Variants in RALGAPB observed in about 807,000 individuals in gnomAD.
RALGAPB encodes Ral GTPase activating protein non-catalytic subunit beta, also known as ral GTPase-activating protein subunit beta.
Under a neutral mutation model 161.1 loss-of-function variants are expected in RALGAPB, and 25 were observed. That is an observed-to-expected ratio of 0.16 (90% CI 0.11 to 0.22). The LOEUF (loss-of-function observed/expected upper bound fraction) is 0.22, where lower values mean the gene tolerates loss of function less well. Ranked by LOEUF, RALGAPB falls within the 10% of genes least tolerant of loss-of-function variation. The probability of loss-of-function intolerance (pLI) is 1.00; values close to 1 mark genes in which losing one functional copy is unlikely to be tolerated. For synonymous variants in RALGAPB, 629 were observed against 626.1 expected (o/e 1.00, Z -0.07); for missense variants, 1,391 against 1,815.2 (o/e 0.77, Z 4.25).
At chr20:38,486,071 G>T (rs554859449) in intron 1 of RALGAPB, among the ~76,000 whole-genome samples, 1 of 144,890 alleles carries the variant, frequency 6.9e-6, no homozygotes, top group African/African-American at 2.6e-5. Flanking sequence ...CCGGTTTCAC[G>T]TGATTTTCCT....
intron 13 of RALGAPB, among the ~76,000 whole-genome samples, chr20:38,528,898 T>C (rs929503572): frequency 3.9e-5 from 6 of 152,252 alleles, no homozygotes; most frequent in African/African-American, 1.4e-4. Context: ...GCCAAGCTGG[T>C]CTTGAACTCC....
chr20:38,523,240 C>T (rs1003196031), intron 10 of RALGAPB, among the ~76,000 whole-genome samples: 4 of 152,138 alleles, frequency 2.6e-5, no homozygotes, highest in Non-Finnish European at 4.4e-5. Context: ...TAATTATAGA[C>T]TCCTGGGAAG....
At chr20:38,488,767 G>A (rs773875164) in intron 2 of RALGAPB, 149 bp downstream of exon 2, 2 of 755,190 alleles carry the variant, frequency 2.6e-6, no homozygotes, top group Non-Finnish European at 4.1e-6. Flanking sequence ...CCCCAACGTA[G>A]TATGACTTCT....
intron 22 of RALGAPB, among the ~76,000 whole-genome samples, chr20:38,555,540 G>A (rs2087555878): frequency 6.6e-6 from 1 of 152,304 alleles, no homozygotes; most frequent in East Asian, 1.9e-4. Context: ...CAAATCATTA[G>A]TGATATTCCT....
At chr20:38,478,011 TA>T (rs1241860692) in intron 1 of RALGAPB, among the ~76,000 whole-genome samples, 1 of 152,242 alleles carries the variant, frequency 6.6e-6, no homozygotes, top group East Asian at 1.9e-4. Flanking sequence ...TGTGGTCTGT[TA>T]CTTGGGAGGC....
chr20:38,529,385 G>A (rs756145356), intron 13 of RALGAPB, among the ~76,000 whole-genome samples: 1 of 151,914 alleles, frequency 6.6e-6, no homozygotes, highest in Non-Finnish European at 1.5e-5. Context: ...GGGTGTGATG[G>A]CACATGCCTG....
intron 18 of RALGAPB, among the ~76,000 whole-genome samples, chr20:38,541,510 C>G (rs1414774184): frequency 6.6e-6 from 1 of 152,122 alleles, no homozygotes. Flanking sequence ...GAGATGGTGT[C>G]TGTCTCTCTG....
chr20:38,550,572 A>G (rs920612658), intron 20 of RALGAPB, among the ~76,000 whole-genome samples: 6 of 152,222 alleles, frequency 3.9e-5, no homozygotes, highest in African/African-American at 1.4e-4. Flanking sequence ...TTCACCATGT[A>G]CCCATATACA....
At chr20:38,473,243 C>G (rs1322528897) in intron 1 of RALGAPB, among the ~76,000 whole-genome samples, 174 bp downstream of exon 1, 2 of 152,148 alleles carry the variant, frequency 1.3e-5, no homozygotes, top group Non-Finnish European at 2.9e-5. Flanking sequence ...GCGGGGAAAG[C>G]TTGGCCCTGG....
intron 21 of RALGAPB, among the ~76,000 whole-genome samples, chr20:38,551,751 A>T (rs1406506650): frequency 6.6e-6 from 1 of 152,158 alleles, no homozygotes; most frequent in African/African-American, 2.4e-5. Flanking sequence ...GATGGGAAAA[A>T]TTTATTTGGC....
intron 23 of RALGAPB, 70 bp downstream of exon 23, chr20:38,558,523 G>A: frequency 7.6e-7 from 1 of 1,310,742 alleles, no homozygotes; most frequent in Non-Finnish European, 1.0e-6. Context: ...GAAAAAAATT[G>A]AGGCAAAATT....
chr20:38,547,376 C>G (rs1329687359), intron 19 of RALGAPB: 1 of 152,144 alleles, frequency 6.6e-6, no homozygotes. Context: ...ACCTGGTATA[C>G]AATTCCCTTA....
At chr20:38,531,479 C>G (rs2086648708) in intron 14 of RALGAPB, among the ~76,000 whole-genome samples, 1 of 152,114 alleles carries the variant, frequency 6.6e-6, no homozygotes, top group Admixed American at 6.5e-5. Flanking sequence ...AGTCTTTATT[C>G]CTGAACAGTG....
chr20:38,575,831 G>T lies in RALGAPB; in HGVS notation c.*864G>T, dbSNP rs1022129315. ...TAAAGAAATGTAAATTCACAATAAGGGTTGAAAATTATTTGGTTTCATCCA... is the reference window on the plus strand; with the variant it reads ...TAAAGAAATGTAAATTCACAATAAGTGTTGAAAATTATTTGGTTTCATCCA... On this transcript the variant is annotated 3_prime_UTR_variant, in exon 30 of 30. Coordinates refer to ENST00000262879, the MANE Select transcript of RALGAPB (RefSeq NM_020336.4). 5.2e-5 allele frequency: 8 copies of T among 152,624 alleles called. No individual in the cohort carries two copies. The East Asian group carries it at 9.7e-4, about 18-fold the overall frequency. The allele number at this position is 152,624 out of a possible 1,614,324, so 9.5% of individuals were successfully genotyped here. A position where few individuals can be genotyped will look rare whatever the true frequency, so the allele number is the denominator to read the frequency against.
At chr20:38,536,919 T>C (rs1274377625) in intron 16 of RALGAPB, among the ~76,000 whole-genome samples, 2 of 152,198 alleles carry the variant, frequency 1.3e-5, no homozygotes, top group African/African-American at 2.4e-5. Context: ...AAGCAGTTAC[T>C]GGTACAGAAA....
intron 23 of RALGAPB, among the ~76,000 whole-genome samples, chr20:38,561,024 C>T (rs1191158423): frequency 6.6e-6 from 1 of 152,230 alleles, no homozygotes; most frequent in East Asian, 1.9e-4. Context: ...AATAGGTTCA[C>T]TTCAAAAGAG....
intron 5 of RALGAPB, among the ~76,000 whole-genome samples, chr20:38,500,246 T>G (rs954691427): frequency 2.0e-5 from 3 of 152,122 alleles, no homozygotes; most frequent in Admixed American, 1.3e-4. Context: ...ACCATGTTTT[T>G]TTTTTTTTCC....
chr20:38,566,952 A>G, intron 25 of RALGAPB, 144 bp from the exon 26 acceptor site: 1 of 1,397,348 alleles, frequency 7.2e-7, no homozygotes. Flanking sequence ...GATCCTTTAC[A>G]GAAAAAAGTT....
At chr20:38,490,569 C>T (rs1600842730) in intron 2 of RALGAPB, among the ~76,000 whole-genome samples, 1 of 150,078 alleles carries the variant, frequency 6.7e-6, no homozygotes, top group African/African-American at 2.5e-5. Context: ...TGCAATGTCG[C>T]AATCTTAGCT....
Sources: gnomAD v4.1 joint callset for allele counts (sites outside exome capture counted in the v4.1 genomes callset) on GRCh38, gnomAD v4.1.1 for gene constraint, MANE v1.5 for transcripts, NCBI Gene and HGNC (gene_info 2026-07-23, HGNC 2026-07-21) for gene names.